The following CDH5 variants were observed in gnomAD, a reference collection of about 807,000 sequenced individuals.
CDH5 encodes the protein cadherin-5.
In CDH5, 28 loss-of-function variants were observed where a neutral mutation model predicts 62.0. The observed-to-expected ratio is 0.45, with a 90% CI of 0.33 to 0.62. The LOEUF (loss-of-function observed/expected upper bound fraction) is 0.62, where lower values mean the gene tolerates loss of function less well. Among genes scored for constraint, CDH5 ranks in the 20% least tolerant of loss-of-function variants. The pLI, the probability that CDH5 is intolerant of heterozygous loss-of-function variation, is 0.02. For missense variants in CDH5, 940 were observed against 1,065.1 expected, an observed-to-expected ratio of 0.88 and a Z score of 1.63; for synonymous variants, 464 against 445.8, an observed-to-expected ratio of 1.04 and a Z score of -0.52.
At position 66,398,102 on chromosome 16, in the gene CDH5, G is replaced by C. The variant is rs1253264991; in HGVS notation, c.1481G>C (p.Gly494Ala). 6.2e-7 allele frequency: 1 copy of C among 1,614,236 alleles called. No homozygotes were observed. Among genetic ancestry groups the C allele is most frequent in the East Asian group, 2.2e-5 (1 of 44,884 alleles). The change falls in exon 9 of 12, where the codon GGC becomes GCC. Residue 494 changes from glycine (G) to alanine (A), a missense_variant. Transcript: ENST00000341529. ...AAAGTGTGTGAGAACGCTGTCCATG[G>C]CCAGGTGAGTCTGGTTCAGGTGGGA... is the stretch of plus-strand genomic sequence containing the variant. ...QPKVCENAVH[G>A]QLVLQISAID...
At chr16:66,370,744 A>T (rs1214420967) in intron 1 of CDH5, among the ~76,000 whole-genome samples, 1 of 152,220 alleles carries the variant, frequency 6.6e-6, no homozygotes, top group Non-Finnish European at 1.5e-5. Flanking sequence ...GAAGAAGTAA[A>T]GCGTTAACCC....
chr16:66,401,858 G>A (rs1961289067), intron 11 of CDH5, among the ~76,000 whole-genome samples: 3 of 152,174 alleles, frequency 2.0e-5, no homozygotes, highest in Admixed American at 2.0e-4. Flanking sequence ...AAGCCCTCAG[G>A]TGATTAGAGA....
chr16:66,366,971 C>T (rs989755254), intron 1 of CDH5, among the ~76,000 whole-genome samples: 3 of 152,332 alleles, frequency 2.0e-5, no homozygotes, highest in South Asian at 2.1e-4. Context: ...ATGGGCATCT[C>T]GGGGCTGAGG....
At chr16:66,395,299 A>G (rs1288112867) in intron 7 of CDH5, among the ~76,000 whole-genome samples, 1 of 151,106 alleles carries the variant, frequency 6.6e-6, no homozygotes. Context: ...GGGGCATCTG[A>G]GGCAAATCTG....
At chr16:66,401,047 C>T in intron 11 of CDH5, 31 bp downstream of exon 11, 2 of 1,613,124 alleles carry the variant, frequency 1.2e-6, no homozygotes, top group Non-Finnish European at 1.7e-6. Flanking sequence ...GGAGAAGACA[C>T]AGTGGGTGGA....
chr16:66,371,490 G>A (rs1960689129), intron 1 of CDH5, among the ~76,000 whole-genome samples: 1 of 152,176 alleles, frequency 6.6e-6, no homozygotes, highest in South Asian at 2.1e-4. Flanking sequence ...TCAGGGAGGA[G>A]AGCAGCCAGG....
chr16:66,390,672 G>A lies in CDH5; in HGVS notation c.969+82G>A, dbSNP rs1961068806. The A allele has an allele frequency of 1.9e-5, 25 of 1,316,156 alleles. No individual in the cohort carries two copies. In the South Asian group the frequency reaches 3.3e-4, roughly 17 times the overall value. The allele number at this position is 1,316,156 out of a possible 1,614,324, so 81.5% of individuals were successfully genotyped here. A position where few individuals can be genotyped will look rare whatever the true frequency, so the allele number is the denominator to read the frequency against. On this transcript the variant is annotated intron_variant, in intron 6 of 11. Transcript: ENST00000341529. ...CAGGTCCTGCTTGGGGATTGCTCCT[G>A]GGCCAGAGACCATCAAAGGACCATC...
At position 66,402,855 on chromosome 16, in the gene CDH5, C is replaced by T. The variant is rs750789670; in HGVS notation, c.2041C>T (p.Arg681Trp). 11 of 1,603,162 alleles carry T rather than the reference C, an allele frequency of 6.9e-6. No individual in the cohort carries two copies. In the East Asian group the frequency reaches 1.1e-4, roughly 16 times the overall value. The change falls in exon 12 of 12, where the codon CGG becomes TGG. Residue 681 changes from arginine to tryptophan, a missense_variant. Transcript: ENST00000341529. Reference protein sequence around the residue: ...AKPPRPALDARPSLYAQVQKP... With the variant: ...AKPPRPALDAWPSLYAQVQKP... The stretch of plus-strand genomic sequence containing the variant: ...GCCCCCGCGGCCCGCGCTGGACGCC[C>T]GGCCTTCCCTCTATGCGCAGGTGCA...
At chr16:66,390,097 T>A (rs577035205) in intron 5 of CDH5, among the ~76,000 whole-genome samples, 1 of 152,210 alleles carries the variant, frequency 6.6e-6, no homozygotes, top group Non-Finnish European at 1.5e-5. Flanking sequence ...CTGAAGTGGC[T>A]TCCTCGTACA....
At position 66,379,411 on chromosome 16, in the gene CDH5, C is replaced by G. The variant is rs750724641; in HGVS notation, c.74C>G (p.Ala25Gly). 5.0e-6 allele frequency: 8 copies of G among 1,614,110 alleles called. No homozygotes were observed. The highest frequency in any genetic ancestry group is 3.3e-5 in the South Asian group (3 of 91,088). Residue 25 changes from alanine to glycine, a missense_variant, in exon 2 of 12, where the codon GCA becomes GGA. Transcript: ENST00000341529. ...LGLLAVAAVA[A>G]AGANPAQRDT... Reference sequence around the variant, plus strand: ...CTGCTGGCAGTGGCAGCAGTGGCAGCAGCAGGTGCTAACCCTGCCCAACGG... The same window carrying G: ...CTGCTGGCAGTGGCAGCAGTGGCAGGAGCAGGTGCTAACCCTGCCCAACGG...
intron 2 of CDH5, among the ~76,000 whole-genome samples, chr16:66,380,869 T>C (rs1476599583): frequency 6.6e-6 from 1 of 151,686 alleles, no homozygotes; most frequent in Non-Finnish European, 1.5e-5. Flanking sequence ...TAAGTGTTGA[T>C]AGTGGTGATA....
At chr16:66,398,425 C>T in intron 9 of CDH5, 31 bp from the exon 10 acceptor site, 1 of 1,355,832 alleles carries the variant, frequency 7.4e-7, no homozygotes, top group African/African-American at 1.4e-5. Context: ...CCACCACCAT[C>T]ACTGACCATC....
At chr16:66,402,518 A>AG (rs1261219271) in intron 11 of CDH5, 134 bp from the exon 12 acceptor site, 5 of 566,016 alleles carry the variant, frequency 8.8e-6, no homozygotes, top group Admixed American at 4.7e-5. Flanking sequence ...TTGCAGGGGA[A>AG]GGGGGGGCCA....
chr16:66,372,323 T>C (rs530593126), intron 1 of CDH5, among the ~76,000 whole-genome samples: 1 of 152,368 alleles, frequency 6.6e-6, no homozygotes, highest in East Asian at 1.9e-4. Context: ...GCTCAATAAA[T>C]GTTTGCTGCA....
chr16:66,400,777 C>T lies in CDH5; in HGVS notation c.1598C>T (p.Thr533Met), dbSNP rs200378924. 19 of 1,614,196 alleles carry T rather than the reference C, an allele frequency of 1.2e-5. No individual in the cohort carries two copies. Among genetic ancestry groups the T allele is most frequent in the Admixed American group, 8.3e-5 (5 of 60,034 alleles). The change falls in exon 11 of 12, where the codon ACG becomes ATG. Residue 533 changes from threonine to methionine, a missense_variant. Transcript: ENST00000341529. ...NFTLTDNHDN[T>M]ANITVKYGQF... is the part of the protein sequence containing the mutation. ...GAGGCCTTGGTGTTTCCAGATAACA[C>T]GGCCAACATCACAGTCAAGTATGGG...
chr16:66,399,862 TA>T (rs1961250978), intron 10 of CDH5, among the ~76,000 whole-genome samples: 1 of 152,238 alleles, frequency 6.6e-6, no homozygotes, highest in Non-Finnish European at 1.5e-5. Flanking sequence ...ATAATAGACT[TA>T]ATGCTGAAAT....
At chr16:66,388,296 C>G (rs748381409) in intron 3 of CDH5, 28 bp from the exon 4 acceptor site, 5 of 1,479,942 alleles carry the variant, frequency 3.4e-6, no homozygotes, top group Middle Eastern at 1.7e-4. Flanking sequence ...AGTCACAAGT[C>G]AGCAACCCCA....
Position 66,398,109 on chromosome 16 carries a change from G to A in CDH5, c.1485+3G>A. ...GTGAGAACGCTGTCCATGGCCAGGT[G>A]AGTCTGGTTCAGGTGGGAGGGGAAG... On this transcript the variant is annotated splice_donor_region_variant and intron_variant, in intron 9 of 11. Transcript: ENST00000341529. 1 of 1,614,266 alleles carries A rather than the reference G, an allele frequency of 6.2e-7. No homozygotes were observed. Among genetic ancestry groups the A allele is most frequent in the South Asian group, 1.1e-5 (1 of 91,090 alleles).
At chr16:66,384,238 C>T (rs1317962430) in intron 2 of CDH5, among the ~76,000 whole-genome samples, 4 of 138,624 alleles carry the variant, frequency 2.9e-5, no homozygotes, top group Non-Finnish European at 6.2e-5. Flanking sequence ...CTGGGTGTGC[C>T]ACCACACCCA....
Sources: gnomAD v4.1 joint callset for allele counts (sites outside exome capture counted in the v4.1 genomes callset) on GRCh38, gnomAD v4.1.1 for gene constraint, MANE v1.5 for transcripts, NCBI Gene and HGNC (gene_info 2026-07-23, HGNC 2026-07-21) for gene names.